The following CEP85L variants were observed in gnomAD, a reference collection of about 807,000 sequenced individuals.
The protein encoded by CEP85L is centrosomal protein of 85 kDa-like.
CEP85L carries 60 observed loss-of-function variants against 100.3 expected under a neutral mutation model. That is an observed-to-expected ratio of 0.60 (90% confidence interval 0.49 to 0.74). CEP85L has a LOEUF of 0.74. Among genes scored for constraint, CEP85L ranks in the 30% least tolerant of loss-of-function variants. The pLI, the probability that CEP85L is intolerant of heterozygous loss-of-function variation, is 0.00. For missense variants in CEP85L, 973 were observed against 936.2 expected, an observed-to-expected ratio of 1.04 and a Z score of -0.51; for synonymous variants, 319 against 322.7, an observed-to-expected ratio of 0.99 and a Z score of 0.12.
intron 5 of CEP85L, chr6:118,502,211 G>T (rs1775348216): frequency 2.7e-6 from 2 of 734,492 alleles, no homozygotes; most frequent in South Asian, 1.8e-5. Context: ...TTGAATTATG[G>T]ACCCTGGAGT....
At chr6:118,633,685 T>C (rs1215517522) in intron 1 of CEP85L, among the ~76,000 whole-genome samples, 1 of 152,234 alleles carries the variant, frequency 6.6e-6, no homozygotes, top group Non-Finnish European at 1.5e-5. Context: ...CCAGTGCCAA[T>C]CTGTACTATT....
chr6:118,628,311 C>T (rs1450743686), intron 2 of CEP85L, among the ~76,000 whole-genome samples: 2 of 152,098 alleles, frequency 1.3e-5, no homozygotes, highest in African/African-American at 4.8e-5. Flanking sequence ...AAAAAGTAGA[C>T]ATCTTCCAAG....
At chr6:118,631,710 A>G (rs1384551439) in intron 2 of CEP85L, among the ~76,000 whole-genome samples, 1 of 152,240 alleles carries the variant, frequency 6.6e-6, no homozygotes, top group African/African-American at 2.4e-5. Context: ...CCACTTTCAA[A>G]TTCCAGTTAT....
intron 2 of CEP85L, among the ~76,000 whole-genome samples, chr6:118,613,614 C>T (rs1003063163): frequency 5.9e-5 from 9 of 151,336 alleles, no homozygotes; most frequent in Non-Finnish European, 8.8e-5. Flanking sequence ...AAGATTAGCC[C>T]GGCGTGGTGG....
rs1332306469 is a variant in CEP85L at position 118,651,490 on chromosome 6, G to A, written c.-221C>T. On this transcript the variant is annotated 5_prime_UTR_variant, in exon 1 of 13. Coordinates refer to ENST00000368491, the MANE Select transcript of CEP85L (RefSeq NM_001042475.3). Reference sequence around the variant, plus strand: ...GCCATGGCCAAGCCGGCTGGGCTGAGGCCCGCGCCGGGGAAGCGGCGACTC... The same window carrying A: ...GCCATGGCCAAGCCGGCTGGGCTGAAGCCCGCGCCGGGGAAGCGGCGACTC... 2 of 1,279,376 alleles carry A rather than the reference G, an allele frequency of 1.6e-6. No individual in the cohort carries two copies. The highest frequency in any genetic ancestry group is 6.4e-5 in the East Asian group (2 of 31,306). The allele number at this position is 1,279,376 out of a possible 1,614,324, so 79.3% of individuals were successfully genotyped here. A position where few individuals can be genotyped will look rare whatever the true frequency, so the allele number is the denominator to read the frequency against.
intron 2 of CEP85L, among the ~76,000 whole-genome samples, chr6:118,596,256 G>T (rs1180942420): frequency 6.6e-6 from 1 of 152,082 alleles, no homozygotes; most frequent in African/African-American, 2.4e-5. Flanking sequence ...TATATGGCAT[G>T]TTTTAAAGTT....
intron 1 of CEP85L, chr6:118,647,028 A>G: frequency 1.0e-6 from 1 of 985,190 alleles, no homozygotes; most frequent in Non-Finnish European, 1.2e-6. Flanking sequence ...TTCACCCCTT[A>G]CCCCCCAATA....
At chr6:118,573,570 A>T (rs1247572292) in intron 2 of CEP85L, among the ~76,000 whole-genome samples, 1 of 152,212 alleles carries the variant, frequency 6.6e-6, no homozygotes, top group Non-Finnish European at 1.5e-5. Flanking sequence ...TAAAAGTAAA[A>T]ATATATATAC....
intron 2 of CEP85L, among the ~76,000 whole-genome samples, chr6:118,599,274 G>A (rs1781603832): frequency 6.6e-6 from 1 of 152,172 alleles, no homozygotes; most frequent in Admixed American, 6.5e-5. Context: ...CAAAAGTAAG[G>A]AAGTGCTCAA....
intron 1 of CEP85L, among the ~76,000 whole-genome samples, chr6:118,704,596 G>A (rs1366725001): frequency 2.6e-5 from 4 of 152,176 alleles, no homozygotes; most frequent in Middle Eastern, 3.4e-3. Flanking sequence ...TCAGCCTTCC[G>A]AGTAGCTGGG....
At chr6:118,561,440 A>C (rs1779217452) in intron 3 of CEP85L, among the ~76,000 whole-genome samples, 1 of 152,116 alleles carries the variant, frequency 6.6e-6, no homozygotes, top group South Asian at 2.1e-4. Flanking sequence ...GAATACTATA[A>C]CTCAAATTAT....
At chr6:118,539,120 T>C (rs1777764410) in intron 3 of CEP85L, among the ~76,000 whole-genome samples, 1 of 152,154 alleles carries the variant, frequency 6.6e-6, no homozygotes, top group African/African-American at 2.4e-5. Flanking sequence ...TAATTTATTT[T>C]AAAAATCAGA....
intron 3 of CEP85L, among the ~76,000 whole-genome samples, chr6:118,545,112 G>A (rs562422137): frequency 1.1e-4 from 17 of 152,202 alleles, no homozygotes; most frequent in African/African-American, 4.1e-4. Context: ...GCATTTTACT[G>A]TATCTCTGTC....
At chr6:118,511,837 C>G (rs1450034651) in intron 4 of CEP85L, among the ~76,000 whole-genome samples, 1 of 151,960 alleles carries the variant, frequency 6.6e-6, no homozygotes, top group East Asian at 1.9e-4. Flanking sequence ...AGACCTTGTT[C>G]TACTCAGGAT....
intron 2 of CEP85L, among the ~76,000 whole-genome samples, chr6:118,622,683 A>G (rs972850640): frequency 7.2e-5 from 11 of 152,382 alleles, no homozygotes; most frequent in Middle Eastern, 3.4e-3. Flanking sequence ...CCCATGCTGC[A>G]ATATGGAAAG....
intron 3 of CEP85L, chr6:118,537,608 G>C (rs1777668140): frequency 2.0e-6 from 2 of 985,174 alleles, no homozygotes; most frequent in Admixed American, 6.2e-5. Flanking sequence ...ATGCTACTTA[G>C]ATGAGATCCG....
chr6:118,551,670 C>A (rs1778553375), intron 3 of CEP85L, among the ~76,000 whole-genome samples: 1 of 151,952 alleles, frequency 6.6e-6, no homozygotes, highest in South Asian at 2.1e-4. Flanking sequence ...ATGAGAAGCA[C>A]TTCATTATGG....
intron 3 of CEP85L, among the ~76,000 whole-genome samples, chr6:118,530,687 T>C (rs1288585680): frequency 3.9e-5 from 6 of 152,074 alleles, no homozygotes; most frequent in Non-Finnish European, 8.8e-5. Context: ...ACAAAATCAA[T>C]GAACAAAAAT....
chr6:118,627,754 T>A (rs1000898778), intron 2 of CEP85L, among the ~76,000 whole-genome samples: 23 of 152,206 alleles, frequency 1.5e-4, no homozygotes, highest in Admixed American at 6.5e-4. Flanking sequence ...AGGGTCCATT[T>A]TGAAATATAC....
Sources: gnomAD v4.1 joint callset for allele counts (sites outside exome capture counted in the v4.1 genomes callset) on GRCh38, gnomAD v4.1.1 for gene constraint, MANE v1.5 for transcripts, NCBI Gene and HGNC (gene_info 2026-07-23, HGNC 2026-07-21) for gene names.